UTRN: variants seen among roughly 807,000 people sequenced by gnomAD.
UTRN encodes utrophin, also known as dystrophin-related protein 1.
UTRN carries 283 observed loss-of-function variants against 463.9 expected under a neutral mutation model. The observed-to-expected ratio is 0.61, with a 90% confidence interval of 0.55 to 0.67. The LOEUF is 0.67. Among genes scored for constraint, UTRN ranks in the 30% least tolerant of loss-of-function variants. The pLI, the probability that UTRN is intolerant of heterozygous loss-of-function variation, is 0.00. For missense variants in UTRN, 3,922 were observed against 4,084.3 expected, an observed-to-expected ratio of 0.96 and a Z score of 1.08; for synonymous variants, 1,442 against 1,431.5, an observed-to-expected ratio of 1.01 and a Z score of -0.17.
chr6:144,627,108 G>A (rs933088994), intron 51 of UTRN, among the ~76,000 whole-genome samples: 3 of 151,884 alleles, frequency 2.0e-5, no homozygotes, highest in Non-Finnish European at 2.9e-5. Context: ...GCGGCAGATG[G>A]GGGGTTAGGG....
chr6:144,514,355 T>A (rs952464337), intron 36 of UTRN, among the ~76,000 whole-genome samples: 3 of 152,240 alleles, frequency 2.0e-5, no homozygotes, highest in Non-Finnish European at 4.4e-5. Flanking sequence ...CAGTGAGTCT[T>A]ACTTACTTTT....
intron 69 of UTRN, among the ~76,000 whole-genome samples, chr6:144,835,009 TC>T (rs1262179925): frequency 3.3e-5 from 5 of 152,212 alleles, no homozygotes; most frequent in African/African-American, 1.2e-4. Context: ...TTATAAGATC[TC>T]ACTGGATCTC....
intron 65 of UTRN, among the ~76,000 whole-genome samples, chr6:144,807,706 C>A (rs1415236190): frequency 1.3e-5 from 2 of 152,120 alleles, no homozygotes; most frequent in Admixed American, 1.3e-4. Context: ...AGTTCAGGGG[C>A]CTCTGCCAAT....
chr6:144,428,423 G>T (rs970653046), intron 7 of UTRN, among the ~76,000 whole-genome samples: 63 of 138,570 alleles, frequency 4.5e-4, no homozygotes, highest in East Asian at 1.2e-3. Flanking sequence ...TTTTTCTGTG[G>T]TTTTTTTTTT....
intron 20 of UTRN, 44 bp from the exon 21 acceptor site, chr6:144,459,130 G>A (rs1376571937): frequency 3.2e-6 from 5 of 1,586,916 alleles, no homozygotes; most frequent in Middle Eastern, 1.7e-4. Flanking sequence ...CTGTGAGGAT[G>A]TTCATCTTCA....
chr6:144,577,169 A>G lies in UTRN; in HGVS notation c.7360A>G (p.Asn2454Asp). Residue 2454 changes from asparagine (N) to aspartate (D), a missense_variant, in exon 51 of 75, where the codon AAC becomes GAC. Transcript: ENST00000367545. The stretch of plus-strand genomic sequence containing the variant: ...GCAGGCCTCTCGCAGAGATCTGGAA[A>G]ACTTCCTGAAGTGGATCCAAGAAGC... The part of the protein sequence containing the change: ...TVQASRRDLE[N>D]FLKWIQEAET... The G allele has an allele frequency of 6.2e-7, 1 of 1,613,960 alleles. No homozygotes were observed. The highest frequency in any genetic ancestry group is 8.5e-7 in the Non-Finnish European group (1 of 1,179,918).
At chr6:144,400,606 A>G (rs992595524) in intron 2 of UTRN, among the ~76,000 whole-genome samples, 1 of 152,158 alleles carries the variant, frequency 6.6e-6, no homozygotes, top group Non-Finnish European at 1.5e-5. Context: ...AATAAGAAGT[A>G]TGTGTGTTTG....
intron 51 of UTRN, among the ~76,000 whole-genome samples, chr6:144,633,026 T>G (rs749992911): frequency 4.6e-5 from 7 of 151,470 alleles, no homozygotes; most frequent in Non-Finnish European, 8.8e-5. Flanking sequence ...TGGCCCAACT[T>G]TTACCTTTTT....
At chr6:144,344,179 CT>C in intron 2 of UTRN, 2 of 1,301,520 alleles carry the variant, frequency 1.5e-6, no homozygotes, top group South Asian at 1.2e-5. Context: ...TCCTCCACAT[CT>C]TTTTCCTCAT....
At chr6:144,651,894 TG>T (rs1778850046) in intron 51 of UTRN, among the ~76,000 whole-genome samples, 1 of 152,168 alleles carries the variant, frequency 6.6e-6, no homozygotes, top group Non-Finnish European at 1.5e-5. Context: ...TGGGGATTTC[TG>T]AAATTTTGGT....
intron 2 of UTRN, among the ~76,000 whole-genome samples, chr6:144,294,570 T>C (rs1359534598): frequency 2.0e-5 from 3 of 151,752 alleles, no homozygotes; most frequent in Non-Finnish European, 4.4e-5. Context: ...ATTTTGATCC[T>C]CATCTGCTCT....
intron 2 of UTRN, among the ~76,000 whole-genome samples, chr6:144,360,933 G>A (rs572240446): frequency 1.3e-5 from 2 of 152,164 alleles, no homozygotes; most frequent in South Asian, 4.1e-4. Flanking sequence ...TCTGCTTCTT[G>A]GGGGAAGGAC....
intron 51 of UTRN, among the ~76,000 whole-genome samples, chr6:144,653,099 C>G (rs967335642): frequency 6.6e-6 from 1 of 152,136 alleles, no homozygotes; most frequent in African/African-American, 2.4e-5. Flanking sequence ...ATGTTTCATT[C>G]TAGACACTCA....
chr6:144,459,355 G>A lies in UTRN; in HGVS notation c.2707+1G>A. ...GATCGTCAACAACATCTAGAGAATG[G>A]TAAACCCAACAATTTTAAAATCTCC... On this transcript the variant is annotated splice_donor_variant, in intron 21 of 74. Transcript: ENST00000367545. LOFTEE classifies it high-confidence loss of function. 1 of 1,577,464 alleles carries A rather than the reference G, an allele frequency of 6.3e-7. No individual in the cohort carries two copies.
intron 2 of UTRN, among the ~76,000 whole-genome samples, chr6:144,309,665 T>C (rs939188523): frequency 6.6e-6 from 1 of 152,226 alleles, no homozygotes; most frequent in African/African-American, 2.4e-5. Flanking sequence ...CTTACTTGTC[T>C]CTCTGCTTCC....
At position 144,704,690 on chromosome 6, in the gene UTRN, G is replaced by A. The variant is rs185210817; in HGVS notation, c.7809+4447G>A. On this transcript the variant is annotated intron_variant, in intron 53 of 74. Coordinates refer to ENST00000367545, the MANE Select transcript of UTRN (RefSeq NM_007124.3). ...TAAAAGATGAATTTTCTGGCTGGGC[G>A]TGGTGGCTCACACCTGTAATCCTAG... Among the ~76,000 whole-genome samples the A allele has an allele frequency of 1.8e-3, 273 of 152,262 alleles. 1 individual carries two copies. Among genetic ancestry groups the A allele is most frequent in the Non-Finnish European group, 2.9e-3 (194 of 68,014 alleles).
chr6:144,656,216 A>G (rs952078775), intron 51 of UTRN, among the ~76,000 whole-genome samples: 1 of 152,212 alleles, frequency 6.6e-6, no homozygotes, highest in African/African-American at 2.4e-5. Flanking sequence ...GAAAATGTCA[A>G]CTACTTCAAA....
In UTRN at chr6:144,851,354, T is replaced by G. The variant is rs41285043; in HGVS notation, c.*357T>G. The G allele has an allele frequency of 8.8e-6, 2 of 226,078 alleles. No individual in the cohort carries two copies. Among genetic ancestry groups the G allele is most frequent in the Non-Finnish European group, 1.8e-5 (2 of 114,190 alleles). The allele number at this position is 226,078 out of a possible 1,614,324, so 14.0% of individuals were successfully genotyped here. ...TATGATACCGTCTTTTTAATAACTA[T>G]GACAAAGCTTACATAAGAATTAGAA... On this transcript the variant is annotated 3_prime_UTR_variant, in exon 75 of 75. Transcript: ENST00000367545.
rs1585151938 is a variant in UTRN at position 144,532,958 on chromosome 6, A to G, written c.6058-127A>G. 6.2e-6 allele frequency: 3 copies of G among 487,564 alleles called. No individual in the cohort carries two copies. In the East Asian group the frequency reaches 1.0e-4, roughly 16 times the overall value. The allele number at this position is 487,564 out of a possible 1,614,324, so 30.2% of individuals were successfully genotyped here. The stretch of plus-strand genomic sequence containing the variant: ...TTTTAAAATGCCTTTTTTTTCTAAC[A>G]TAAAATATCTTTCCAGGAGTTTGTT... On this transcript the variant is annotated intron_variant, in intron 42 of 74. Transcript: ENST00000367545.
Sources: gnomAD v4.1 joint callset for allele counts (sites outside exome capture counted in the v4.1 genomes callset) on GRCh38, gnomAD v4.1.1 for gene constraint, MANE v1.5 for transcripts, NCBI Gene and HGNC (gene_info 2026-07-23, HGNC 2026-07-21) for gene names.